MACROH2A1: variants seen among roughly 807,000 people sequenced by gnomAD.
MACROH2A1 encodes the protein core histone macro-H2A.1.
Under a neutral mutation model 31.6 loss-of-function variants are expected in MACROH2A1, and 2 were observed. The observed-to-expected ratio is 0.06, with a 90% confidence interval of 0.03 to 0.20. The LOEUF is 0.20. Among genes scored for constraint, MACROH2A1 ranks in the 10% least tolerant of loss-of-function variants. The probability of loss-of-function intolerance (pLI) is 1.00; values close to 1 mark genes in which losing one functional copy is unlikely to be tolerated. For synonymous variants in MACROH2A1, 169 were observed against 189.6 expected, an observed-to-expected ratio of 0.89 and a Z score of 0.89; for missense variants, 230 against 474.0, an observed-to-expected ratio of 0.49 and a Z score of 4.78.
chr5:135,364,789 G>A (rs1349376053), intron 4 of MACROH2A1, among the ~76,000 whole-genome samples: 1 of 152,174 alleles, frequency 6.6e-6, no homozygotes, highest in Non-Finnish European at 1.5e-5. Flanking sequence ...TTTTCTAATA[G>A]TAGCTTCTCA....
chr5:135,367,715 C>T (rs561747957), intron 4 of MACROH2A1, among the ~76,000 whole-genome samples: 4 of 152,324 alleles, frequency 2.6e-5, no homozygotes, highest in Admixed American at 6.5e-5. Flanking sequence ...AAGCTGAGGA[C>T]GTGGTCCTGC....
chr5:135,343,642 G>A (rs917410012), intron 7 of MACROH2A1: 3 of 710,152 alleles, frequency 4.2e-6, no homozygotes, highest in Admixed American at 6.0e-5. Flanking sequence ...GCATTATGAT[G>A]TGTCACCACC....
At chr5:135,365,348 C>G (rs1475877793) in intron 4 of MACROH2A1, among the ~76,000 whole-genome samples, 7 of 152,276 alleles carry the variant, frequency 4.6e-5, no homozygotes, top group Admixed American at 3.9e-4. Flanking sequence ...GCCAGGAGCT[C>G]TCTGCCCCCA....
intron 1 of MACROH2A1, among the ~76,000 whole-genome samples, chr5:135,390,605 T>G (rs1368968228): frequency 6.6e-6 from 1 of 152,170 alleles, no homozygotes; most frequent in Non-Finnish European, 1.5e-5. Context: ...ACATGTTTGC[T>G]CACTGAACCA....
At chr5:135,349,788 A>C (rs961850556) in intron 6 of MACROH2A1, among the ~76,000 whole-genome samples, 4 of 152,196 alleles carry the variant, frequency 2.6e-5, no homozygotes, top group Non-Finnish European at 5.9e-5. Context: ...ATATATACAC[A>C]TGAGTGATAC....
chr5:135,351,134 AG>A, intron 6 of MACROH2A1: 1 of 435,652 alleles, frequency 2.3e-6, no homozygotes, highest in South Asian at 4.4e-5. Flanking sequence ...CATTTGAATG[AG>A]AAGTCCAAAA....
chr5:135,335,187 G>A, intron 8 of MACROH2A1, 46 bp from the exon 9 acceptor site: 2 of 1,506,142 alleles, frequency 1.3e-6, no homozygotes, highest in Non-Finnish European at 1.8e-6. Context: ...TGCCACGGGG[G>A]CTGCAGGACC....
intron 2 of MACROH2A1, among the ~76,000 whole-genome samples, chr5:135,381,774 A>G (rs1765688357): frequency 6.6e-6 from 1 of 152,264 alleles, no homozygotes; most frequent in South Asian, 2.1e-4. Context: ...AAGACAGATG[A>G]AAAGTAAATA....
intron 4 of MACROH2A1, 142 bp from the exon 5 acceptor site, chr5:135,360,749 G>A (rs1381689004): frequency 1.4e-6 from 1 of 713,280 alleles, no homozygotes; most frequent in African/African-American, 1.7e-5. Flanking sequence ...TCTCCAAGGG[G>A]GAGCTCAGAC....
intron 1 of MACROH2A1, among the ~76,000 whole-genome samples, chr5:135,390,178 T>A (rs1767017246): frequency 6.6e-6 from 1 of 152,246 alleles, no homozygotes; most frequent in Non-Finnish European, 1.5e-5. Flanking sequence ...GGCTGGGACC[T>A]CCATTATCTC....
Position 135,369,213 on chromosome 5 carries a change from T to C in MACROH2A1, c.477+193A>G, listed in dbSNP as rs561095555. 4.6e-5 allele frequency among the ~76,000 whole-genome samples: 7 copies of C among 152,328 alleles called. No individual in the cohort carries two copies. The South Asian group carries it at 1.4e-3, about 32-fold the overall frequency. On this transcript the variant is annotated intron_variant, in intron 4 of 8. Coordinates refer to ENST00000511689, the MANE Select transcript of MACROH2A1 (RefSeq NM_138610.3). This position sits in a 1 kb window ranked among gnomAD's most constrained non-coding sequence, Gnocchi z 4.3. ...CTGTCCTTCAACTGGGTCCAGACTC[T>C]GGGAGGGCCTCCTGACTCTGGCTAC...
rs774082043 is a variant in MACROH2A1, at chr5:135,389,097, G to T, written c.-4C>A. 1 of 1,611,938 alleles carries T rather than the reference G, an allele frequency of 6.2e-7. No individual in the cohort carries two copies. Reference sequence around the variant, plus strand: ...TCTTCCCACCGCGGCTCGACATGGCGGTGGCCCTGGAGGCGGATCAGTGAG... The same window carrying T: ...TCTTCCCACCGCGGCTCGACATGGCTGTGGCCCTGGAGGCGGATCAGTGAG... On this transcript the variant is annotated 5_prime_UTR_variant, in exon 2 of 9. Transcript: ENST00000511689.
chr5:135,354,623 C>G (rs964963025), intron 5 of MACROH2A1: 22 of 184,600 alleles, frequency 1.2e-4, no homozygotes, highest in African/African-American at 4.8e-4. Flanking sequence ...AGCTCAGAGC[C>G]CTGGCACCAG....
intron 1 of MACROH2A1, among the ~76,000 whole-genome samples, chr5:135,395,619 A>G (rs567425971): frequency 6.6e-6 from 1 of 152,122 alleles, no homozygotes; most frequent in South Asian, 2.1e-4. Context: ...TCTTCCGTTT[A>G]CTCCTATCAC....
At chr5:135,370,745 A>C (rs923009370) in intron 2 of MACROH2A1, among the ~76,000 whole-genome samples, 2 of 152,218 alleles carry the variant, frequency 1.3e-5, no homozygotes, top group African/African-American at 4.8e-5. Flanking sequence ...AAGGTGAAAA[A>C]GATGTAAAAG....
At chr5:135,386,837 G>T (rs1213590378) in intron 2 of MACROH2A1, among the ~76,000 whole-genome samples, 1 of 152,230 alleles carries the variant, frequency 6.6e-6, no homozygotes, top group Non-Finnish European at 1.5e-5. Context: ...AAAGCTAGAT[G>T]GAAGAAATGA....
chr5:135,397,504 G>A (rs962598626), intron 1 of MACROH2A1, among the ~76,000 whole-genome samples: 1 of 152,208 alleles, frequency 6.6e-6, no homozygotes, highest in African/African-American at 2.4e-5. Flanking sequence ...CTAGGGATCA[G>A]CATTAACAAT....
In MACROH2A1 at chr5:135,350,521, C is replaced by A. The variant is rs1761394470; in HGVS notation, c.688+2425G>T. Among the ~76,000 whole-genome samples the A allele has an allele frequency of 2.0e-5, 3 of 152,288 alleles. No individual in the cohort carries two copies. In the South Asian group the frequency reaches 6.2e-4, roughly 32 times the overall value. On this transcript the variant is annotated intron_variant, in intron 6 of 8. Transcript: ENST00000511689. ...CCTGTATTGTTCCTGCAGCTGAAATCATCTGTGAACCCAGTCTCCAACAAA... is the reference window on the plus strand; with the variant it reads ...CCTGTATTGTTCCTGCAGCTGAAATAATCTGTGAACCCAGTCTCCAACAAA...
At chr5:135,344,884 C>T (rs1031522529) in intron 7 of MACROH2A1, 1 of 152,208 alleles carries the variant, frequency 6.6e-6, no homozygotes, top group Non-Finnish European at 1.5e-5. Flanking sequence ...AGGCTGCCTA[C>T]CAGGCCTTGT....
Sources: gnomAD v4.1 joint callset for allele counts (sites outside exome capture counted in the v4.1 genomes callset) on GRCh38, gnomAD v4.1.1 for gene constraint, Gnocchi (gnomAD v3.1) non-coding constraint, MANE v1.5 for transcripts, NCBI Gene and HGNC (gene_info 2026-07-23, HGNC 2026-07-21) for gene names.